DOCK8: variants seen among roughly 807,000 people sequenced by gnomAD.
The protein encoded by DOCK8 is dedicator of cytokinesis protein 8.
In DOCK8, 141 loss-of-function variants were observed where a neutral mutation model predicts 245.6. That is an observed-to-expected ratio of 0.57 (90% CI 0.50 to 0.66). The LOEUF (loss-of-function observed/expected upper bound fraction) is 0.66. Ranked by LOEUF, DOCK8 falls within the 30% of genes least tolerant of loss-of-function variation. The probability of loss-of-function intolerance (pLI) is 0.00; values close to 1 mark genes in which losing one functional copy is unlikely to be tolerated. For synonymous variants in DOCK8, 1,168 were observed against 970.2 expected, an observed-to-expected ratio of 1.20 and a Z score of -3.79; for missense variants, 2,965 against 2,603.4, an observed-to-expected ratio of 1.14 and a Z score of -3.02.
Position 414,766 on chromosome 9 carries a change from T to C in DOCK8, c.3531-16T>C, listed in dbSNP as rs555875044. On this transcript the variant is annotated splice_polypyrimidine_tract_variant and intron_variant, in intron 28 of 47. Coordinates refer to ENST00000432829, the MANE Select transcript of DOCK8 (RefSeq NM_203447.4). ...CCTTTCACCATAACCTCTTGATTCC[T>C]GTGTTGTGCCAACAGAATCAGCAAA... 6.2e-7 allele frequency: 1 copy of C among 1,614,174 alleles called. No individual in the cohort carries two copies. The highest frequency in any genetic ancestry group is 1.1e-5 in the South Asian group (1 of 91,082).
At chr9:419,972 C>T (rs1198051640) in intron 30 of DOCK8, 8 of 261,554 alleles carry the variant, frequency 3.1e-5, no homozygotes, top group Non-Finnish European at 6.0e-5. Flanking sequence ...TGGCACCCAG[C>T]CAGTTTCCTT....
intron 33 of DOCK8, among the ~76,000 whole-genome samples, chr9:426,449 G>A (rs1163650202): frequency 6.6e-6 from 1 of 152,180 alleles, no homozygotes; most frequent in Non-Finnish European, 1.5e-5. Flanking sequence ...TCACTGCCAA[G>A]TTCACATCAC....
intron 2 of DOCK8, among the ~76,000 whole-genome samples, chr9:276,385 G>T (rs1248723480): frequency 6.6e-6 from 1 of 152,080 alleles, no homozygotes; most frequent in Non-Finnish European, 1.5e-5. Flanking sequence ...TGAGAGGAAG[G>T]GTGTATGTTT....
chr9:362,115 T>G lies in DOCK8; in HGVS notation c.1680-5903T>G, dbSNP rs140100908. On this transcript the variant is annotated intron_variant, in intron 14 of 47. Transcript: ENST00000432829. ...TCAGATTACAGAAGGCTTGGGATTC[T>G]GTCTTTATCACATGACTGATTGGTC... is the stretch of plus-strand genomic sequence containing the variant. Among the ~76,000 whole-genome samples, 5 of 152,330 alleles carry G rather than the reference T, an allele frequency of 3.3e-5. No individual in the cohort carries two copies. In the East Asian group the frequency reaches 9.6e-4, roughly 29 times the overall value.
At position 224,047 on chromosome 9, in the gene DOCK8, C is replaced by A. The variant is rs2046939334; in HGVS notation, c.53+9018C>A. ...AAATAACGGAGCTGATTTTTAGGTA[C>A]CTTGTCAAATAGTTCTGAAAGTAAT... On this transcript the variant is annotated intron_variant, in intron 1 of 47. Transcript: ENST00000432829. Among the ~76,000 whole-genome samples, 15 of 152,164 alleles carry A rather than the reference C, an allele frequency of 9.9e-5. 1 individual carries two copies. The South Asian group carries it at 3.1e-3, about 32-fold the overall frequency.
intron 1 of DOCK8, among the ~76,000 whole-genome samples, chr9:225,975 A>C (rs1170293635): frequency 6.6e-6 from 1 of 152,236 alleles, no homozygotes. Context: ...GAGGGAAGTT[A>C]GCAAAGAACG....
rs569336454 is a variant in DOCK8 at position 325,850 on chromosome 9, G to T, written c.894+113G>T. On this transcript the variant is annotated intron_variant, in intron 8 of 47. Coordinates refer to ENST00000432829, the MANE Select transcript of DOCK8 (RefSeq NM_203447.4). ...GAACCTATCAGATTTGAAAGCAAAT[G>T]ATCTTTGATGAGTCCAGTTCTGTTG... 1.1e-4 allele frequency: 112 copies of T among 975,402 alleles called. No homozygotes were observed. In the East Asian group the frequency reaches 2.5e-3, roughly 22 times the overall value. 60.4% of individuals were successfully genotyped at this position (975,402 alleles called of 1,614,324 possible).
At chr9:409,191 C>T (rs2055590723) in intron 28 of DOCK8, among the ~76,000 whole-genome samples, 1 of 152,160 alleles carries the variant, frequency 6.6e-6, no homozygotes, top group Admixed American at 6.5e-5. Context: ...AAGGACGCAT[C>T]TCAGTACCTG....
intron 18 of DOCK8, among the ~76,000 whole-genome samples, chr9:374,444 T>G (rs2053431560): frequency 6.9e-6 from 1 of 144,370 alleles, no homozygotes; most frequent in African/African-American, 2.5e-5. Context: ...TTTCACATGG[T>G]CCTTTTGTGT....
intron 1 of DOCK8, among the ~76,000 whole-genome samples, chr9:249,058 C>T (rs980600272): frequency 6.6e-6 from 1 of 152,174 alleles, no homozygotes; most frequent in African/African-American, 2.4e-5. Context: ...TCTTCTCCTT[C>T]CGCTCTTGGT....
rs1168849643 is a variant in DOCK8 at position 271,622 on chromosome 9, C to G, written c.54-5C>G. The G allele has an allele frequency of 1.3e-6, 2 of 1,533,324 alleles. No homozygotes were observed. Among genetic ancestry groups the G allele is most frequent in the East Asian group, 2.5e-5 (1 of 40,760 alleles). 95.0% of individuals were successfully genotyped at this position (1,533,324 alleles called of 1,614,324 possible). A position where few individuals can be genotyped will look rare whatever the true frequency, so the allele number is the denominator to read the frequency against. On this transcript the variant is annotated splice_region_variant and splice_polypyrimidine_tract_variant and intron_variant, in intron 1 of 47. Transcript: ENST00000432829. ...TTCATTTAGATTTTTCTATTTTAAT[C>G]CAAGGTATTCTTCAGCGGAAATAAG...
At chr9:260,436 A>G (rs574087533) in intron 1 of DOCK8, among the ~76,000 whole-genome samples, 1 of 152,264 alleles carries the variant, frequency 6.6e-6, no homozygotes, top group Non-Finnish European at 1.5e-5. Flanking sequence ...AATGGGCAGA[A>G]TAGCCAGTAA....
chr9:416,529 T>A (rs1213612553), intron 29 of DOCK8, among the ~76,000 whole-genome samples: 1 of 152,226 alleles, frequency 6.6e-6, no homozygotes, highest in Admixed American at 6.5e-5. Flanking sequence ...ATGATCATGA[T>A]GTAGCTGATG....
intron 39 of DOCK8, among the ~76,000 whole-genome samples, chr9:438,885 G>T (rs963911447): frequency 2.0e-5 from 3 of 152,150 alleles, no homozygotes; most frequent in African/African-American, 7.2e-5. Flanking sequence ...GGTGAAACAG[G>T]GAGCCTAGTT....
chr9:340,328 A>C lies in DOCK8; in HGVS notation c.1679+7A>C, dbSNP rs775877566. 17 of 1,613,986 alleles carry C rather than the reference A, an allele frequency of 1.1e-5. No individual in the cohort carries two copies. Among genetic ancestry groups the C allele is most frequent in the Non-Finnish European group, 1.4e-5 (16 of 1,179,978 alleles). On this transcript the variant is annotated splice_region_variant and intron_variant, in intron 14 of 47. Coordinates refer to ENST00000432829, the MANE Select transcript of DOCK8 (RefSeq NM_203447.4). The stretch of plus-strand genomic sequence containing the variant: ...TCCCTCACACTGTGTACAGGTAAGA[A>C]ACACAGGCTCGGGCTGGGCGTGGTG...
At chr9:382,779 G>C in intron 22 of DOCK8, 94 bp downstream of exon 22, 1 of 1,490,470 alleles carries the variant, frequency 6.7e-7, no homozygotes, top group Non-Finnish European at 9.1e-7. Flanking sequence ...CACTACTGCT[G>C]CCCACCATGC....
intron 28 of DOCK8, among the ~76,000 whole-genome samples, chr9:412,273 C>A (rs934771583): frequency 6.6e-6 from 1 of 151,858 alleles, no homozygotes; most frequent in Non-Finnish European, 1.5e-5. Flanking sequence ...GCATTGGTGG[C>A]TTGTGTTTGT....
intron 36 of DOCK8, 136 bp downstream of exon 36, chr9:429,990 A>G (rs1460617022): frequency 9.7e-7 from 1 of 1,027,982 alleles, no homozygotes; most frequent in Non-Finnish European, 1.4e-6. Context: ...ACAATTGAGT[A>G]TGTAGATAGA....
At chr9:215,558 C>T (rs2046730998) in intron 1 of DOCK8, 1 of 1,055,846 alleles carries the variant, frequency 9.5e-7, no homozygotes, top group African/African-American at 1.7e-5. Context: ...CTCCTGGTGG[C>T]ATCGCTATTT....
Sources: allele counts gnomAD v4.1 joint callset (sites outside exome capture counted in the v4.1 genomes callset), GRCh38; gene constraint gnomAD v4.1.1; transcripts MANE v1.5; gene names NCBI Gene and HGNC (gene_info 2026-07-23, HGNC 2026-07-21).